The following DNAH5 variants were observed in gnomAD, a reference collection of about 807,000 sequenced individuals.
DNAH5 encodes dynein axonemal heavy chain 5.
In DNAH5, 372 loss-of-function variants were observed where a neutral mutation model predicts 518.2. The ratio of observed to expected loss-of-function variants is 0.72; its 90% CI spans 0.66 to 0.78. The LOEUF (loss-of-function observed/expected upper bound fraction) is 0.78, where lower values mean the gene tolerates loss of function less well. DNAH5 is among the 30% of genes least tolerant of loss of function. DNAH5 has a pLI of 0.00. For missense variants in DNAH5, 5,523 were observed against 5,687.0 expected, an observed-to-expected ratio of 0.97 and a Z score of 0.93; for synonymous variants, 2,039 against 2,025.9, an observed-to-expected ratio of 1.01 and a Z score of -0.17.
At chr5:13,899,772 G>T in intron 15 of DNAH5, 1 of 198,710 alleles carries the variant, frequency 5.0e-6, no homozygotes, top group Non-Finnish European at 1.0e-5. Flanking sequence ...CCTGACTGTT[G>T]ACATAACTCT....
At position 13,700,666 on chromosome 5, in the gene DNAH5, A is replaced by G. The variant is rs765032639; in HGVS notation, c.13697T>C (p.Val4566Ala). 1.9e-6 allele frequency: 3 copies of G among 1,614,078 alleles called. No individual in the cohort carries two copies. In the East Asian group the frequency reaches 6.7e-5, roughly 36 times the overall value. ...KPKVLFELMP[V>A]IRIYAENNTL... ...ATTGTTTTCTGCATAAATCCTTATGACAGGCATCAACTCAAAGAGCACTTT... is the reference window on the plus strand; with the variant it reads ...ATTGTTTTCTGCATAAATCCTTATGGCAGGCATCAACTCAAAGAGCACTTT... The change falls in exon 78 of 79, where the codon GTC becomes GCC. Residue 4566 changes from valine to alanine, a missense_variant. Around this residue, in one of 3 missense-constraint regions of DNAH5, gnomAD observed 387 missense variants for 430.0 expected, o/e 0.90. Coordinates refer to ENST00000265104, the MANE Select transcript of DNAH5 (RefSeq NM_001369.3).
At chr5:13,768,482 A>G (rs1475171024) in intron 58 of DNAH5, among the ~76,000 whole-genome samples, 2 of 152,150 alleles carry the variant, frequency 1.3e-5, no homozygotes, top group African/African-American at 2.4e-5. Flanking sequence ...CTAATACACA[A>G]TTGTACTGTT....
At chr5:13,798,710 C>T (rs795543) in intron 47 of DNAH5, among the ~76,000 whole-genome samples, 52,887 of 150,790 alleles carry the variant, frequency 0.35, 9,729 homozygotes, top group Middle Eastern at 0.45. Flanking sequence ...AGTAATTGCA[C>T]AGTGTACATT....
chr5:13,889,768 G>A (rs1772936642), intron 17 of DNAH5, among the ~76,000 whole-genome samples: 1 of 152,118 alleles, frequency 6.6e-6, no homozygotes, highest in Non-Finnish European at 1.5e-5. Context: ...CCTCACAGGA[G>A]GGAGACAGCA....
chr5:13,786,513 A>G (rs1049114251), intron 51 of DNAH5, among the ~76,000 whole-genome samples, 162 bp from the exon 52 acceptor site: 3 of 152,236 alleles, frequency 2.0e-5, no homozygotes, highest in African/African-American at 7.2e-5. Flanking sequence ...CAACAATAGA[A>G]GCGTTAGGAT....
intron 65 of DNAH5, among the ~76,000 whole-genome samples, chr5:13,740,316 G>A (rs1748269801): frequency 6.9e-6 from 1 of 145,658 alleles, no homozygotes; most frequent in Non-Finnish European, 1.5e-5. Context: ...CAGCCCAGCA[G>A]TCAGAATGAT....
chr5:13,855,728 T>G (rs1767538206), intron 30 of DNAH5, among the ~76,000 whole-genome samples: 1 of 152,110 alleles, frequency 6.6e-6, no homozygotes, highest in Non-Finnish European at 1.5e-5. Flanking sequence ...TATTCTAATA[T>G]CGACCACATA....
chr5:13,756,557 T>C (rs553449488), intron 61 of DNAH5, among the ~76,000 whole-genome samples: 2 of 152,332 alleles, frequency 1.3e-5, no homozygotes, highest in South Asian at 4.1e-4. Context: ...CAGTAGAGCT[T>C]CCTGATACAA....
intron 58 of DNAH5, among the ~76,000 whole-genome samples, chr5:13,768,322 T>C (rs576369568): frequency 6.6e-6 from 1 of 152,298 alleles, no homozygotes; most frequent in Admixed American, 6.5e-5. Flanking sequence ...CGCCATCTTG[T>C]GAAGAAAGTG....
intron 1 of DNAH5, among the ~76,000 whole-genome samples, chr5:13,972,053 A>G (rs189276): frequency 0.79 from 119,886 of 151,914 alleles, 47,554 homozygotes; most frequent in East Asian, 0.86. Context: ...CATTCCCAGG[A>G]GGATTATGGC....
At chr5:13,984,773 T>A (rs1782918291) in intron 1 of DNAH5, among the ~76,000 whole-genome samples, 1 of 152,242 alleles carries the variant, frequency 6.6e-6, no homozygotes, top group Admixed American at 6.5e-5. Context: ...CTTTTCTGCA[T>A]CTATTGAGAT....
chr5:13,982,165 A>G (rs1581104632), intron 1 of DNAH5, among the ~76,000 whole-genome samples: 3 of 152,262 alleles, frequency 2.0e-5, no homozygotes, highest in South Asian at 2.1e-4. Flanking sequence ...ATGAAGATCT[A>G]TACTTTCTCT....
intron 19 of DNAH5, 122 bp from the exon 20 acceptor site, chr5:13,883,216 A>C: frequency 9.3e-7 from 1 of 1,071,046 alleles, no homozygotes; most frequent in Non-Finnish European, 1.4e-6. Flanking sequence ...ATATTTGTTG[A>C]ATGAATGAGT....
At chr5:13,790,801 TTTTTATACCAGTATGAA>T (rs1226937140) in intron 50 of DNAH5, among the ~76,000 whole-genome samples, 2 of 152,150 alleles carry the variant, frequency 1.3e-5, no homozygotes, top group Admixed American at 6.6e-5. Context: ...TCTCCAGCAG[TTTTTATACCAGTATGAA>T]AACGGACTAA....
At chr5:13,703,894 C>T in intron 76 of DNAH5, among the ~76,000 whole-genome samples, 1 of 152,180 alleles carries the variant, frequency 6.6e-6, no homozygotes, top group East Asian at 1.9e-4. Context: ...TTCTGATCTA[C>T]AGACTGTGAA....
intron 35 of DNAH5, among the ~76,000 whole-genome samples, chr5:13,837,989 C>T (rs530203628): frequency 2.6e-5 from 4 of 152,206 alleles, no homozygotes; most frequent in South Asian, 2.1e-4. Context: ...CGTGAGCGAG[C>T]CACCATGCCC....
intron 30 of DNAH5, among the ~76,000 whole-genome samples, chr5:13,852,468 GT>G (rs1162363118): frequency 1.5e-5 from 2 of 129,704 alleles, no homozygotes; most frequent in Non-Finnish European, 3.6e-5. Context: ...CGCCCAGCCA[GT>G]TTATTTTTTT....
chr5:13,862,608 G>T lies in DNAH5; in HGVS notation c.4736C>A (p.Ser1579Ter), dbSNP rs184151103. The T allele has an allele frequency of 6.2e-7, 1 of 1,613,952 alleles. No individual in the cohort carries two copies. Among genetic ancestry groups the T allele is most frequent in the Non-Finnish European group, 8.5e-7 (1 of 1,179,946 alleles). Residue 1579 changes from serine (S) to a stop codon, truncating the protein, a stop_gained, in exon 29 of 79, where the codon TCG becomes TAG. Transcript: ENST00000265104. LOFTEE classifies it high-confidence loss of function. ...GELLLRGDST[S>*]EIIANMEDSL... ...GTCCTCCATGTTGGCGATGATTTCC[G>T]AGGTACTGTCTCCTCTCAAGAGGAG...
Position 13,762,896 on chromosome 5 carries a change from G to C in DNAH5, c.10107C>G (p.Phe3369Leu), listed in dbSNP as rs1361568457. The C allele has an allele frequency of 6.2e-7, 1 of 1,613,332 alleles. No homozygotes were observed. The highest frequency in any genetic ancestry group is 1.1e-5 in the South Asian group (1 of 91,034). Residue 3369 changes from phenylalanine to leucine, a missense_variant, in exon 60 of 79, where the codon TTC (phenylalanine) becomes TTG (leucine). Physicochemically the swap from Phe to Leu is conservative, Grantham distance 22. Coordinates refer to ENST00000265104, the MANE Select transcript of DNAH5 (RefSeq NM_001369.3). ...AGNFLQNLQQ[F>L]PKDTINEEVI... ...CCTCTTCATTGATTGTGTCTTTTGG[G>C]AATTGCTATGGAAGAAAAGAGTAAA...
Sources: gnomAD v4.1 joint callset for allele counts (sites outside exome capture counted in the v4.1 genomes callset) on GRCh38, gnomAD v4.1.1 for gene constraint, gnomAD v4.1.1 regional missense constraint, MANE v1.5 for transcripts, NCBI Gene and HGNC (gene_info 2026-07-23, HGNC 2026-07-21) for gene names.